Variants in LBHD1 observed in about 807,000 individuals in gnomAD.
LBHD1 encodes LBH domain containing 1.
In LBHD1, 28 loss-of-function variants were observed where a neutral mutation model predicts 31.1. The observed-to-expected ratio is 0.90, with a 90% CI of 0.67 to 1.24. The LOEUF is 1.24. LBHD1 is among the 50% of genes most tolerant of loss of function. The pLI is 0.00. For missense variants in LBHD1, 350 were observed against 323.0 expected (o/e 1.08, Z -0.64); for synonymous variants, 105 against 116.5 (o/e 0.90, Z 0.63).
intron 4 of LBHD1, chr11:62,666,642 G>A (rs766219934): frequency 6.2e-7 from 1 of 1,614,180 alleles, no homozygotes. Context: ...GATGTGCTGG[G>A]GGTGGACTTT....
chr11:62,667,993 T>C (rs1247096895), intron 3 of LBHD1: 9 of 406,344 alleles, frequency 2.2e-5, no homozygotes, highest in Non-Finnish European at 3.6e-5. Context: ...GCTTGAACCC[T>C]GGGAGGTCAA....
chr11:62,671,061 T>C (rs1006418495), intron 1 of LBHD1: 2 of 311,826 alleles, frequency 6.4e-6, no homozygotes, highest in African/African-American at 2.2e-5. Flanking sequence ...ATCGCGCCAC[T>C]GCACTCCAGC....
intron 4 of LBHD1, chr11:62,666,476 AC>A (rs759777728): frequency 6.2e-7 from 1 of 1,613,786 alleles, no homozygotes; most frequent in South Asian, 1.1e-5. Context: ...CACTGTCCCC[AC>A]CTTCGACTGG....
At chr11:62,668,497 A>AC (rs987379616) in intron 3 of LBHD1, 1 of 151,914 alleles carries the variant, frequency 6.6e-6, no homozygotes, top group African/African-American at 2.4e-5. Context: ...AAAAAAAAAA[A>AC]AAAAAGTAGC....
rs1644333409 is a variant in LBHD1, at chr11:62,664,899, C to A, written c.613G>T (p.Gly205Cys). The change falls in exon 5 of 7, where the codon GGC (glycine) becomes TGC (cysteine). Residue 205 changes from glycine (G) to cysteine (C), a missense_variant. Gly to Cys is a radical substitution (Grantham distance 159). Transcript: ENST00000354588. ...GAASEAPGGR[G>C]CDRPRADHAA... is the part of the protein sequence containing the mutation. ...TGATCAGCCCTTGGTCTATCACAGC[C>A]CCGACCACCCGGTGCCTCAGACGCC... 3 of 1,593,782 alleles carry A rather than the reference C, an allele frequency of 1.9e-6. No homozygotes were observed. The African/African-American group carries it at 4.0e-5, about 21-fold the overall frequency.
chr11:62,667,716 A>T lies in LBHD1; in HGVS notation c.345T>A (p.Ser115Arg), dbSNP rs2134638074. 1 of 1,612,932 alleles carries T rather than the reference A, an allele frequency of 6.2e-7. No homozygotes were observed. Among genetic ancestry groups the T allele is most frequent in the East Asian group, 2.2e-5 (1 of 44,862 alleles). ...GWAWSPQDPR[S>R]PLRTFNAGLS... Reference sequence around the variant, plus strand: ...GTCCAGCGTTAAATGTTCTTAAAGGACTTCTAGGGTCCTGTGGGCTCCAAG... The same window carrying T: ...GTCCAGCGTTAAATGTTCTTAAAGGTCTTCTAGGGTCCTGTGGGCTCCAAG... The change falls in exon 4 of 7, where the codon AGT becomes AGA. Residue 115 changes from serine to arginine, a missense_variant. Ser to Arg is a moderately radical substitution (Grantham distance 110). Transcript: ENST00000354588.
chr11:62,667,674 G>C lies in LBHD1; in HGVS notation c.387C>G (p.Asp129Glu). 1 of 1,614,148 alleles carries C rather than the reference G, an allele frequency of 6.2e-7. No individual in the cohort carries two copies. The highest frequency in any genetic ancestry group is 8.5e-7 in the Non-Finnish European group (1 of 1,180,032). Residue 129 changes from aspartate (D) to glutamate (E), a missense_variant, in exon 4 of 7, where the codon GAC becomes GAG. Coordinates refer to ENST00000354588, the MANE Select transcript of LBHD1 (RefSeq NM_024099.5). The stretch of plus-strand genomic sequence containing the variant: ...TCCAACAAGCATCTTCTTCATCCTG[G>C]TCCTGCCCCCAGCTGAGTCCAGCGT... ...TFNAGLSWGQDQDEEDACWIL... is the reference protein window; with the variant it reads ...TFNAGLSWGQEQDEEDACWIL...
chr11:62,669,990 C>A lies in LBHD1; in HGVS notation c.42G>T (p.Trp14Cys). The change falls in exon 2 of 7, where the codon TGG becomes TGT. Residue 14 changes from tryptophan to cysteine, a missense_variant. Coordinates refer to ENST00000354588, the MANE Select transcript of LBHD1 (RefSeq NM_024099.5). The stretch of plus-strand genomic sequence containing the variant: ...GGGAGGAGCCTGGGCTATTTCTAGT[C>A]CAAAGCCCATCCTCCTTGCTTCTCC... ...VPGRSKEDGL[W>C]TRNSPGSSQH... 1 of 1,613,758 alleles carries A rather than the reference C, an allele frequency of 6.2e-7. No individual in the cohort carries two copies.
At chr11:62,666,228 C>A (rs1944806538) in intron 4 of LBHD1, 1 of 779,886 alleles carries the variant, frequency 1.3e-6, no homozygotes, top group Non-Finnish European at 2.1e-6. Flanking sequence ...CCTAGCTACT[C>A]AGGAGGCTGA....
intron 5 of LBHD1, among the ~76,000 whole-genome samples, chr11:62,664,543 C>T (rs181992522): frequency 7.5e-4 from 114 of 152,162 alleles, no homozygotes; most frequent in African/African-American, 2.6e-3. Context: ...GTTGGTCAGG[C>T]TGGTCTCGAA....
chr11:62,665,436 C>T, intron 4 of LBHD1: 6 of 1,538,730 alleles, frequency 3.9e-6, no homozygotes, highest in South Asian at 1.2e-5. Context: ...CTTTTCTTGG[C>T]GGGGATCGGG....
chr11:62,668,939 T>G (rs1944889626), intron 3 of LBHD1, among the ~76,000 whole-genome samples: 1 of 151,612 alleles, frequency 6.6e-6, no homozygotes, highest in African/African-American at 2.4e-5. Context: ...TTGTTTTTTG[T>G]TTTTTTTGAG....
rs147134442 is a variant in LBHD1, at chr11:62,667,759, G to A, written c.314-12C>T. ...GCTCCAAGCCCAGCCTGGGATGGAG[G>A]AAGAGAGGGGACAAAAATATTACTG... On this transcript the variant is annotated splice_polypyrimidine_tract_variant and intron_variant, in intron 3 of 6. Transcript: ENST00000354588. 3.0e-5 allele frequency: 47 copies of A among 1,544,652 alleles called. No individual in the cohort carries two copies. Among genetic ancestry groups the A allele is most frequent in the Admixed American group, 2.5e-4 (14 of 56,736 alleles).
chr11:62,664,125 T>C (rs1590845023), intron 5 of LBHD1, among the ~76,000 whole-genome samples: 1 of 136,902 alleles, frequency 7.3e-6, no homozygotes. Flanking sequence ...AAGTAATTAA[T>C]GGGATGGGAA....
intron 5 of LBHD1, 140 bp downstream of exon 5, chr11:62,664,709 A>G: frequency 8.8e-7 from 1 of 1,132,134 alleles, no homozygotes; most frequent in Non-Finnish European, 1.2e-6. Context: ...ATCAGAGCTT[A>G]GGAACTAACA....
chr11:62,667,427 A>ATT (rs1944849582), intron 4 of LBHD1, 96 bp downstream of exon 4: 9 of 1,327,162 alleles, frequency 6.8e-6, no homozygotes, highest in Non-Finnish European at 9.7e-6. Context: ...TGTAAGCCTC[A>ATT]TTTTTGTCAC....
chr11:62,670,260 C>A, intron 1 of LBHD1: 1 of 537,520 alleles, frequency 1.9e-6, no homozygotes, highest in Non-Finnish European at 3.2e-6. Context: ...GGGTAGGAGA[C>A]AAGGGCACCT....
Position 62,671,865 on chromosome 11 carries a change from G to A in LBHD1, c.-312C>T. On this transcript the variant is annotated 5_prime_UTR_variant, in exon 1 of 7. Coordinates refer to ENST00000354588, the MANE Select transcript of LBHD1 (RefSeq NM_024099.5). ...AGCGGCGGAAGCAGGAAATGCTAAAGGTAGAAGCAACTGGTAGTCCCGAGG... is the reference window on the plus strand; with the variant it reads ...AGCGGCGGAAGCAGGAAATGCTAAAAGTAGAAGCAACTGGTAGTCCCGAGG... The A allele has an allele frequency of 6.2e-7, 1 of 1,614,086 alleles. No homozygotes were observed. Among genetic ancestry groups the A allele is most frequent in the South Asian group, 1.1e-5 (1 of 91,088 alleles).
chr11:62,664,082 GAAAAAAAAAAAAAA>G (rs71056540), intron 5 of LBHD1, among the ~76,000 whole-genome samples: 1 of 65,944 alleles, frequency 1.5e-5, no homozygotes, highest in Admixed American at 1.9e-4. Context: ...CAAAAAAGAG[GAAAAAAAAAAAAAA>G]AAAAAAAAAG....
Sources: gnomAD v4.1 joint callset for allele counts (sites outside exome capture counted in the v4.1 genomes callset) on GRCh38, gnomAD v4.1.1 for gene constraint, MANE v1.5 for transcripts, NCBI Gene and HGNC (gene_info 2026-07-23, HGNC 2026-07-21) for gene names.